Variants in ADAMTSL3 observed in about 807,000 individuals in gnomAD.
ADAMTSL3 encodes the protein ADAMTS like 3, also known as ADAMTS-like protein 3.
A neutral mutation model predicts 201.7 loss-of-function variants in ADAMTSL3; 128 were observed. That is an observed-to-expected ratio of 0.63 (90% CI 0.55 to 0.73). The LOEUF is 0.73. Among genes scored for constraint, ADAMTSL3 ranks in the 30% least tolerant of loss-of-function variants. The pLI is 0.00. For synonymous variants in ADAMTSL3, 738 were observed against 748.4 expected, an observed-to-expected ratio of 0.99 and a Z score of 0.23; for missense variants, 1,990 against 2,119.6, an observed-to-expected ratio of 0.94 and a Z score of 1.20.
At chr15:83,671,945 T>A (rs1298171138) in intron 2 of ADAMTSL3, among the ~76,000 whole-genome samples, 1 of 152,230 alleles carries the variant, frequency 6.6e-6, no homozygotes, top group East Asian at 1.9e-4. Context: ...TGCTTTTTAG[T>A]TTTTACAATA....
At chr15:83,875,759 G>C (rs551806700) in intron 9 of ADAMTSL3, among the ~76,000 whole-genome samples, 1 of 152,226 alleles carries the variant, frequency 6.6e-6, no homozygotes, top group East Asian at 1.9e-4. Flanking sequence ...CTCTGGCCGG[G>C]TGACAGAGCG....
At position 83,831,754 on chromosome 15, in the gene ADAMTSL3, AAAT is replaced by A. The variant is rs537513638; in HGVS notation, c.601-6333_601-6331del. Among the ~76,000 whole-genome samples, 518 of 152,160 alleles carry A rather than the reference AAAT, an allele frequency of 3.4e-3. 2 individuals are homozygous for A. Among genetic ancestry groups the A allele is most frequent in the African/African-American group, 0.012 (495 of 41,522 alleles). ...CAGCCCAGCTTCCCCTCCCCACCTC[AAAT>A]ACTTCAATTCCCCACAACTCTAAGC... On this transcript the variant is annotated intron_variant, in intron 6 of 29. Transcript: ENST00000286744.
At chr15:84,028,926 T>A (rs2068356057) in intron 27 of ADAMTSL3, among the ~76,000 whole-genome samples, 1 of 152,204 alleles carries the variant, frequency 6.6e-6, no homozygotes, top group Non-Finnish European at 1.5e-5. Context: ...CACTTCTCCT[T>A]CCTGCTGCCT....
chr15:83,860,290 A>G (rs1427582164), intron 8 of ADAMTSL3, among the ~76,000 whole-genome samples: 1 of 152,244 alleles, frequency 6.6e-6, no homozygotes, highest in African/African-American at 2.4e-5. Flanking sequence ...GGGACAAAAC[A>G]AAACAAAATT....
intron 2 of ADAMTSL3, among the ~76,000 whole-genome samples, chr15:83,672,405 C>CT (rs1380054113): frequency 2.0e-5 from 3 of 152,148 alleles, no homozygotes; most frequent in African/African-American, 7.2e-5. Context: ...ACATCTTTTG[C>CT]TAAGGTGAAG....
intron 19 of ADAMTSL3, among the ~76,000 whole-genome samples, chr15:83,959,659 G>A (rs913902231): frequency 6.6e-6 from 1 of 152,162 alleles, no homozygotes; most frequent in Non-Finnish European, 1.5e-5. Context: ...GAAGATGCAA[G>A]AACTCAATCT....
At chr15:83,766,998 G>A (rs1383944323) in intron 3 of ADAMTSL3, among the ~76,000 whole-genome samples, 1 of 152,200 alleles carries the variant, frequency 6.6e-6, no homozygotes, top group Non-Finnish European at 1.5e-5. Flanking sequence ...AGAGGCTGAG[G>A]TGGGAGAATC....
intron 2 of ADAMTSL3, among the ~76,000 whole-genome samples, chr15:83,674,983 A>G (rs982237669): frequency 2.0e-5 from 3 of 151,708 alleles, no homozygotes; most frequent in African/African-American, 7.3e-5. Context: ...ATAATTACAT[A>G]TTCTATATTT....
rs577098690 is a variant in ADAMTSL3 at position 84,017,262 on chromosome 15, C to T, written c.4273+763C>T. On this transcript the variant is annotated intron_variant, in intron 25 of 29. Coordinates refer to ENST00000286744, the MANE Select transcript of ADAMTSL3 (RefSeq NM_207517.3). ...CCTCCCAAGTAGCTGGGACTACAGC[C>T]ACCCGCCACCACGCCCGGCTAATTT... Among the ~76,000 whole-genome samples, 8 of 152,226 alleles carry T rather than the reference C, an allele frequency of 5.3e-5. No individual in the cohort carries two copies. The East Asian group carries it at 1.5e-3, about 29-fold the overall frequency.
intron 6 of ADAMTSL3, among the ~76,000 whole-genome samples, chr15:83,820,556 C>T (rs1378530067): frequency 6.6e-6 from 1 of 152,204 alleles, no homozygotes; most frequent in East Asian, 1.9e-4. Context: ...CTGGGGAATA[C>T]ACTTTGAGAA....
chr15:84,021,409 G>A lies in ADAMTSL3; in HGVS notation c.4274-1G>A, dbSNP rs2068202962. On this transcript the variant is annotated splice_acceptor_variant, in intron 25 of 29. Coordinates refer to ENST00000286744, the MANE Select transcript of ADAMTSL3 (RefSeq NM_207517.3). LOFTEE classifies it high-confidence loss of function. ...CATGATATTTTGTTTTCTTTCTGCAGAGCCTTTTTGGGAGCCTGGTAACTG... is the reference window on the plus strand; with the variant it reads ...CATGATATTTTGTTTTCTTTCTGCAAAGCCTTTTTGGGAGCCTGGTAACTG... 1.2e-6 allele frequency: 2 copies of A among 1,614,026 alleles called. No individual in the cohort carries two copies. The highest frequency in any genetic ancestry group is 1.7e-6 in the Non-Finnish European group (2 of 1,179,962).
chr15:84,013,546 G>A (rs1415287948), intron 23 of ADAMTSL3, among the ~76,000 whole-genome samples: 3 of 152,210 alleles, frequency 2.0e-5, no homozygotes, highest in East Asian at 1.9e-4. Flanking sequence ...AGGCTGAGGC[G>A]GGGGATCGCT....
chr15:83,974,068 A>C (rs772174845), intron 20 of ADAMTSL3, among the ~76,000 whole-genome samples: 2 of 152,132 alleles, frequency 1.3e-5, no homozygotes, highest in African/African-American at 4.8e-5. Context: ...CTTCTCCCCA[A>C]ACAATCCCTG....
intron 6 of ADAMTSL3, among the ~76,000 whole-genome samples, chr15:83,825,896 A>C (rs1470003395): frequency 2.0e-5 from 3 of 152,134 alleles, no homozygotes; most frequent in Non-Finnish European, 4.4e-5. Context: ...CCAATCATTA[A>C]CTTATTCTGA....
intron 7 of ADAMTSL3, among the ~76,000 whole-genome samples, chr15:83,843,518 G>A (rs936561075): frequency 3.3e-5 from 5 of 152,122 alleles, no homozygotes; most frequent in African/African-American, 1.2e-4. Flanking sequence ...GTTTTTGGCT[G>A]GGATTTTTTC....
chr15:83,811,273 C>A (rs1277053702), intron 5 of ADAMTSL3, among the ~76,000 whole-genome samples: 1 of 152,154 alleles, frequency 6.6e-6, no homozygotes, highest in Non-Finnish European at 1.5e-5. Flanking sequence ...CTAAAGTTTT[C>A]TTTGGTCTGA....
At chr15:84,004,632 G>A (rs970333954) in intron 23 of ADAMTSL3, among the ~76,000 whole-genome samples, 1 of 152,176 alleles carries the variant, frequency 6.6e-6, no homozygotes, top group African/African-American at 2.4e-5. Context: ...ACTAAAAGCG[G>A]GGGCTAAATG....
chr15:84,013,589 C>A lies in ADAMTSL3; in HGVS notation c.3974-953C>A, dbSNP rs545299191. ...AGGAGTTCAAGACGACCCTGAGGAA[C>A]ATGATGAAACCCTGTCTTTACAAAA... On this transcript the variant is annotated intron_variant, in intron 23 of 29. Transcript: ENST00000286744. 2.0e-5 allele frequency among the ~76,000 whole-genome samples: 3 copies of A among 152,006 alleles called. No individual in the cohort carries two copies. The South Asian group carries it at 6.2e-4, about 32-fold the overall frequency.
chr15:83,825,729 A>G (rs2064007933), intron 6 of ADAMTSL3, among the ~76,000 whole-genome samples: 1 of 152,108 alleles, frequency 6.6e-6, no homozygotes, highest in Admixed American at 6.5e-5. Flanking sequence ...TAAAAGTTAG[A>G]TAAACCAAGG....
Sources: allele counts gnomAD v4.1 joint callset (sites outside exome capture counted in the v4.1 genomes callset), GRCh38; gene constraint gnomAD v4.1.1; transcripts MANE v1.5; gene names NCBI Gene and HGNC (gene_info 2026-07-23, HGNC 2026-07-21).